Variants in RAD9A observed in about 807,000 individuals in gnomAD.
RAD9A encodes the protein RAD9 checkpoint clamp component A.
Under a neutral mutation model 41.2 loss-of-function variants are expected in RAD9A, and 25 were observed. The observed-to-expected ratio is 0.61, with a 90% confidence interval of 0.44 to 0.85. RAD9A has a LOEUF of 0.85. Ranked by LOEUF, RAD9A falls within the 40% of genes least tolerant of loss-of-function variation. The pLI, the probability that RAD9A is intolerant of heterozygous loss-of-function variation, is 0.00. For missense variants in RAD9A, 514 were observed against 518.3 expected, an observed-to-expected ratio of 0.99 and a Z score of 0.08; for synonymous variants, 252 against 210.6, an observed-to-expected ratio of 1.20 and a Z score of -1.70.
intron 9 of RAD9A, among the ~76,000 whole-genome samples, chr11:67,396,645 C>T (rs148973996): frequency 4.0e-4 from 61 of 152,346 alleles, no homozygotes; most frequent in Admixed American, 6.5e-4. Flanking sequence ...TGCCAGCTTC[C>T]TTCTCTGGCT....
rs534790737 is a variant in RAD9A, at chr11:67,393,379, G to C, written c.235-117G>C. The C allele has an allele frequency of 3.3e-5, 48 of 1,475,524 alleles. No homozygotes were observed. The East Asian group carries it at 1.1e-3, about 33-fold the overall frequency. 91.4% of individuals were successfully genotyped at this position (1,475,524 alleles called of 1,614,324 possible). On this transcript the variant is annotated intron_variant, in intron 3 of 10. Transcript: ENST00000307980. ...GAAGGATGCCAGTGCCCGAGGTGAC[G>C]TGGGAGCCCTTTTCCCAGAGTTACA...
rs1565118865 is a variant in RAD9A at position 67,397,296 on chromosome 11, C to T, written c.990C>T (p.Gly330=). ...TGCCCTCCATTTCCCTTTCACCTGG[C>T]CCCCAGCCCCCCAAGAGCCCCGGTC... ...RVLPSISLSP[G]PQPPKSPGPH... is the part of the protein sequence containing the mutation. The change falls in exon 10 of 11, where the codon GGC becomes GGT. Residue 330 remains glycine, a synonymous_variant. Transcript: ENST00000307980. 2 of 1,576,060 alleles carry T rather than the reference C, an allele frequency of 1.3e-6. No homozygotes were observed. The highest frequency in any genetic ancestry group is 1.7e-6 in the Non-Finnish European group (2 of 1,150,832).
rs1565118121 is a variant in RAD9A, at chr11:67,396,412, T to TC, written c.872+18dup. ...CTCCAGGCTCACAGGTGAGGGCACC[T>TC]CCCCCCAACTCCTCCTCTCTCCATG... On this transcript the variant is annotated intron_variant, in intron 9 of 10. Transcript: ENST00000307980. 6.2e-7 allele frequency: 1 copy of TC among 1,612,340 alleles called. No homozygotes were observed.
At position 67,397,392 on chromosome 11, in the gene RAD9A, G is replaced by A. The variant is rs1046626319; in HGVS notation, c.1080+6G>A. ...GGACTCCCCCACCCAAGAAGGTAGG[G>A]ACTGGAGGTGGAGGCAGGGGTGGGA... On this transcript the variant is annotated splice_donor_region_variant and intron_variant, in intron 10 of 10. Transcript: ENST00000307980. 30 of 1,595,756 alleles carry A rather than the reference G, an allele frequency of 1.9e-5. No individual in the cohort carries two copies. Among genetic ancestry groups the A allele is most frequent in the Non-Finnish European group, 2.5e-5 (29 of 1,166,382 alleles).
rs368827608 is a variant in RAD9A at position 67,397,412 on chromosome 11, G to A, written c.1080+26G>A. The A allele has an allele frequency of 6.3e-6, 10 of 1,587,716 alleles. No homozygotes were observed. The African/African-American group carries it at 9.4e-5, about 15-fold the overall frequency. ...GTAGGGACTGGAGGTGGAGGCAGGG[G>A]TGGGAGGTAGGGAAGGGAGCAGCCT... On this transcript the variant is annotated intron_variant, in intron 10 of 10. Coordinates refer to ENST00000307980, the MANE Select transcript of RAD9A (RefSeq NM_004584.3).
chr11:67,396,378 G>A lies in RAD9A; in HGVS notation c.850G>A (p.Val284Met). ...GGGCTCCCCAGAGCGTCACCAGCCA[G>A]TGCCTCAGCTCCAGGCTCACAGGTG... is the stretch of plus-strand genomic sequence containing the variant. ...DLGSPERHQP[V>M]PQLQAHSTPH... Residue 284 changes from valine (V) to methionine (M), a missense_variant, in exon 9 of 11, where the codon GTG becomes ATG. Around this residue, in one of 3 missense-constraint regions of RAD9A, gnomAD observed 216 missense variants for 184.2 expected, o/e 1.17. Coordinates refer to ENST00000307980, the MANE Select transcript of RAD9A (RefSeq NM_004584.3). The A allele has an allele frequency of 6.2e-7, 1 of 1,613,908 alleles. No homozygotes were observed. Among genetic ancestry groups the A allele is most frequent in the Non-Finnish European group, 8.5e-7 (1 of 1,180,002 alleles).
At chr11:67,393,378 C>A in intron 3 of RAD9A, 118 bp from the exon 4 acceptor site, 1 of 1,471,476 alleles carries the variant, frequency 6.8e-7, no homozygotes, top group South Asian at 1.4e-5. Flanking sequence ...CCCGAGGTGA[C>A]GTGGGAGCCC....
In RAD9A at chr11:67,393,618, G is replaced by C. The variant is rs750706834; in HGVS notation, c.349+8G>C. 2 of 1,614,068 alleles carry C rather than the reference G, an allele frequency of 1.2e-6. No homozygotes were observed. The highest frequency in any genetic ancestry group is 4.5e-5 in the East Asian group (2 of 44,868). On this transcript the variant is annotated splice_region_variant and intron_variant, in intron 4 of 10. Transcript: ENST00000307980. The stretch of plus-strand genomic sequence containing the variant: ...AGCTGCATTGCAAGTTCGGTGAGTG[G>C]GCAGCCGGCCAGCCAAGGGGTGCCT...
intron 5 of RAD9A, among the ~76,000 whole-genome samples, chr11:67,394,695 A>G (rs1348466358): frequency 6.6e-6 from 1 of 150,518 alleles, no homozygotes; most frequent in Non-Finnish European, 1.5e-5. Context: ...GGCTCACCAC[A>G]ACCTCCGCCT....
chr11:67,392,942 C>A, intron 3 of RAD9A, 160 bp downstream of exon 3: 2 of 1,082,748 alleles, frequency 1.8e-6, no homozygotes, highest in Non-Finnish European at 2.6e-6. Context: ...AGCATCACAG[C>A]GGGGACCTGA....
rs547310292 is a variant in RAD9A at position 67,392,742 on chromosome 11, C to T, written c.194C>T (p.Thr65Ile). The T allele has an allele frequency of 1.9e-6, 3 of 1,613,988 alleles. No individual in the cohort carries two copies. The highest frequency in any genetic ancestry group is 2.2e-5 in the South Asian group (2 of 91,082). ...TTCTTCCAGCAATACCAGGCAGCCA[C>T]CCCTGGTCAGGACCTGCTGCGCTGT... is the stretch of plus-strand genomic sequence containing the variant. ...PLFFQQYQAA[T>I]PGQDLLRCKI... The change falls in exon 3 of 11, where the codon ACC becomes ATC. Residue 65 changes from threonine (T) to isoleucine (I), a missense_variant. This residue lies in a region of RAD9A where 268 missense variants were observed against 279.3 expected (regional missense o/e 0.96). Coordinates refer to ENST00000307980, the MANE Select transcript of RAD9A (RefSeq NM_004584.3).
chr11:67,398,268 A>C lies in RAD9A; in HGVS notation c.*709A>C, dbSNP rs1862780545. The C allele has an allele frequency of 4.0e-6, 2 of 501,650 alleles. No homozygotes were observed. The highest frequency in any genetic ancestry group is 3.9e-5 in the African/African-American group (2 of 51,820). 31.1% of individuals were successfully genotyped at this position (501,650 alleles called of 1,614,324 possible). On this transcript the variant is annotated 3_prime_UTR_variant, in exon 11 of 11. Coordinates refer to ENST00000307980, the MANE Select transcript of RAD9A (RefSeq NM_004584.3). Reference sequence around the variant, plus strand: ...CAGCCCTGAGGCCAAGCACGGCTGGAGACCCACGACCTGGCCTGCCGTTGC... The same window carrying C: ...CAGCCCTGAGGCCAAGCACGGCTGGCGACCCACGACCTGGCCTGCCGTTGC...
rs1862560211 is a variant in RAD9A, at chr11:67,392,667, C to T, written c.119C>T (p.Thr40Met). The T allele has an allele frequency of 6.2e-7, 1 of 1,613,872 alleles. No homozygotes were observed. Among genetic ancestry groups the T allele is most frequent in the African/African-American group, 1.3e-5 (1 of 75,056 alleles). The change falls in exon 3 of 11, where the codon ACG (threonine) becomes ATG (methionine). Residue 40 changes from threonine (T) to methionine (M), a missense_variant. Coordinates refer to ENST00000307980, the MANE Select transcript of RAD9A (RefSeq NM_004584.3). Reference sequence around the variant, plus strand: ...TTCGTGGCCCAGCTCTCCCTCCGGACGGTGAACTCCTCCCGCTCTGCCTAT... The same window carrying T: ...TTCGTGGCCCAGCTCTCCCTCCGGATGGTGAACTCCTCCCGCTCTGCCTAT... ...EPLEDGLSLR[T>M]VNSSRSAYAC...
intron 9 of RAD9A, among the ~76,000 whole-genome samples, chr11:67,396,658 G>A (rs539595677): frequency 6.6e-5 from 10 of 152,296 alleles, no homozygotes. Flanking sequence ...CTCTGGCTGA[G>A]GCCGCCCCTC....
At position 67,398,159 on chromosome 11, in the gene RAD9A, T is replaced by TA. The variant is rs1225412854; in HGVS notation, c.*601dup. On this transcript the variant is annotated 3_prime_UTR_variant, in exon 11 of 11. Transcript: ENST00000307980. ...GCAGAAGAGCTGCCAGGCAGTGTCT[T>TA]AGATGTGAGACGGAGGCCATGGCGA... 2 of 279,852 alleles carry TA rather than the reference T, an allele frequency of 7.1e-6. No homozygotes were observed. The allele number at this position is 279,852 out of a possible 1,614,324, so 17.3% of individuals were successfully genotyped here.
intron 5 of RAD9A, among the ~76,000 whole-genome samples, chr11:67,394,348 TG>T (rs1862620334): frequency 6.6e-6 from 1 of 152,158 alleles, no homozygotes; most frequent in African/African-American, 2.4e-5. Context: ...GTCCGAGCAC[TG>T]GGGGCTGTCT....
intron 2 of RAD9A, 97 bp from the exon 3 acceptor site, chr11:67,392,557 G>A: frequency 1.3e-6 from 2 of 1,496,208 alleles, no homozygotes; most frequent in South Asian, 1.2e-5. Context: ...GGCGGAGCGG[G>A]AGGACGATAG....
rs976268765 is a variant in RAD9A, at chr11:67,393,117, T to A, written c.234+335T>A. On this transcript the variant is annotated intron_variant, in intron 3 of 10. Transcript: ENST00000307980. The stretch of plus-strand genomic sequence containing the variant: ...CAACATGGCGAAACCCCGTCTCTAC[T>A]AAAAATACAAAAATTAGCTGGGCGT... The A allele has an allele frequency of 3.2e-4, 127 of 400,236 alleles. 3 individuals carry two copies. The highest frequency in any genetic ancestry group is 1.7e-4 in the Admixed American group (4 of 23,826). 24.8% of individuals were successfully genotyped at this position (400,236 alleles called of 1,614,324 possible).
intron 5 of RAD9A, 132 bp from the exon 6 acceptor site, chr11:67,395,583 TG>T: frequency 1.4e-6 from 1 of 692,118 alleles, no homozygotes; most frequent in Non-Finnish European, 2.4e-6. Flanking sequence ...CCACCTTCTC[TG>T]GGCCTCATCC....
Sources: allele counts gnomAD v4.1 joint callset (sites outside exome capture counted in the v4.1 genomes callset), GRCh38; gene constraint gnomAD v4.1.1; regional missense constraint gnomAD v4.1.1; transcripts MANE v1.5; gene names NCBI Gene and HGNC (gene_info 2026-07-23, HGNC 2026-07-21).